Variants in SULT4A1 observed in about 807,000 individuals in gnomAD.
SULT4A1 encodes sulfotransferase 4A1.
A neutral mutation model predicts 35.2 loss-of-function variants in SULT4A1; 11 were observed. That is an observed-to-expected ratio of 0.31 (90% CI 0.20 to 0.52). The LOEUF (loss-of-function observed/expected upper bound fraction) is 0.52. SULT4A1 is among the 20% of genes least tolerant of loss of function. The pLI, the probability that SULT4A1 is intolerant of heterozygous loss-of-function variation, is 0.97. For missense variants in SULT4A1, 271 were observed against 383.7 expected, an observed-to-expected ratio of 0.71 and a Z score of 2.45; for synonymous variants, 152 against 151.8, an observed-to-expected ratio of 1.00 and a Z score of -0.01.
At position 43,838,928 on chromosome 22, in the gene SULT4A1, C is replaced by T. The variant is rs1452945073; in HGVS notation, c.447G>A (p.Leu149=). Residue 149 remains leucine, a synonymous_variant, in exon 4 of 7, where the codon CTG becomes CTA. Transcript: ENST00000330884. ...AGGTGCCTCGGTAGCTCATGGTCCGCAGAGAGCGGTGGAACTGATAATAAG... is the reference window on the plus strand; with the variant it reads ...AGGTGCCTCGGTAGCTCATGGTCCGTAGAGAGCGGTGGAACTGATAATAAG... ...VVSYYQFHRS[L]RTMSYRGTFQ... The T allele has an allele frequency of 6.2e-7, 1 of 1,614,190 alleles. No homozygotes were observed. Among genetic ancestry groups the T allele is most frequent in the Admixed American group, 1.7e-5 (1 of 60,028 alleles).
intron 5 of SULT4A1, among the ~76,000 whole-genome samples, chr22:43,829,764 A>G (rs62226117): frequency 0.1 from 14,832 of 145,724 alleles, 785 homozygotes; most frequent in Admixed American, 0.12. Flanking sequence ...GCCATTCCCC[A>G]GCCCCCCACC....
chr22:43,852,600 C>CAAAAGG (rs1434117563), intron 1 of SULT4A1, among the ~76,000 whole-genome samples: 2 of 152,188 alleles, frequency 1.3e-5, no homozygotes, highest in South Asian at 2.1e-4. Flanking sequence ...TCCCCACCTC[C>CAAAAGG]AAAAGGAAAA....
intron 1 of SULT4A1, among the ~76,000 whole-genome samples, chr22:43,843,628 AG>A (rs1188302737): frequency 6.6e-6 from 1 of 152,220 alleles, no homozygotes; most frequent in Non-Finnish European, 1.5e-5. Context: ...GTTCCATAAA[AG>A]GCCCAAGAGG....
At chr22:43,834,416 C>A (rs1284192606) in intron 4 of SULT4A1, among the ~76,000 whole-genome samples, 2 of 67,596 alleles carry the variant, frequency 3.0e-5, no homozygotes, top group Non-Finnish European at 5.8e-5. Context: ...CTTCCCGCAG[C>A]CACACCGCGG....
At chr22:43,845,550 CT>C (rs56319413) in intron 1 of SULT4A1, among the ~76,000 whole-genome samples, 14,848 of 152,202 alleles carry the variant, frequency 0.098, 786 homozygotes, top group Admixed American at 0.11. Context: ...GACCCTCCCC[CT>C]GTGACACTGC....
intron 1 of SULT4A1, among the ~76,000 whole-genome samples, chr22:43,842,561 CAT>C (rs2063442129): frequency 6.6e-6 from 1 of 152,180 alleles, no homozygotes; most frequent in African/African-American, 2.4e-5. Flanking sequence ...GAACTGCAGA[CAT>C]AGCACGGCCA....
At chr22:43,857,891 A>C (rs549844042) in intron 1 of SULT4A1, among the ~76,000 whole-genome samples, 104 of 151,900 alleles carry the variant, frequency 6.8e-4, no homozygotes, top group Non-Finnish European at 1.2e-3. Flanking sequence ...CTCTACAAAA[A>C]TACAAAAAAT....
chr22:43,849,398 C>T (rs937201856), intron 1 of SULT4A1, among the ~76,000 whole-genome samples: 1 of 152,156 alleles, frequency 6.6e-6, no homozygotes, highest in Non-Finnish European at 1.5e-5. Flanking sequence ...CCCGTTTTCC[C>T]GCTCAGATGT....
At chr22:43,832,727 G>A (rs927108333) in intron 5 of SULT4A1, among the ~76,000 whole-genome samples, 18 of 152,134 alleles carry the variant, frequency 1.2e-4, no homozygotes, top group Admixed American at 6.5e-4. Context: ...AGGGGACCTC[G>A]TGTGGCTCTG....
At position 43,839,967 on chromosome 22, in the gene SULT4A1, T is replaced by A; in HGVS notation, c.359A>T (p.Asp120Val). The A allele has an allele frequency of 5.6e-6, 9 of 1,608,904 alleles. No individual in the cohort carries two copies. The highest frequency in any genetic ancestry group is 7.6e-6 in the Non-Finnish European group (9 of 1,178,238). Residue 120 changes from aspartate to valine, a missense_variant, in exon 3 of 7, where the codon GAC becomes GTC. This residue lies in a region of SULT4A1 where 164 missense variants were observed against 254.1 expected (regional missense o/e 0.65). Transcript: ENST00000330884. ...SHLPYRFLPS[D>V]LHNGDSKVIY... ...TACCTTGGAGTCTCCATTGTGGAGGTCAGAGGGCAGAAAGCGGTAGGGCAG... is the reference window on the plus strand; with the variant it reads ...TACCTTGGAGTCTCCATTGTGGAGGACAGAGGGCAGAAAGCGGTAGGGCAG...
At chr22:43,857,417 A>T (rs925562246) in intron 1 of SULT4A1, among the ~76,000 whole-genome samples, 2 of 151,956 alleles carry the variant, frequency 1.3e-5, no homozygotes, top group African/African-American at 4.8e-5. Flanking sequence ...GGAAGAAAAC[A>T]GAAAACAGAA....
chr22:43,855,930 G>A (rs1015851957), intron 1 of SULT4A1, among the ~76,000 whole-genome samples: 1 of 152,206 alleles, frequency 6.6e-6, no homozygotes, highest in Non-Finnish European at 1.5e-5. Context: ...AGAGAAGCCA[G>A]CCCATGCAGG....
chr22:43,849,791 C>T (rs1007913232), intron 1 of SULT4A1, among the ~76,000 whole-genome samples: 2 of 152,210 alleles, frequency 1.3e-5, no homozygotes, highest in Non-Finnish European at 2.9e-5. Flanking sequence ...GACCCTTAAC[C>T]CTCGCTGGCA....
At chr22:43,860,000 A>G (rs949009629) in intron 1 of SULT4A1, among the ~76,000 whole-genome samples, 8 of 152,230 alleles carry the variant, frequency 5.3e-5, no homozygotes, top group East Asian at 1.9e-4. Context: ...GTGGGAAAAA[A>G]TACCGGACAG....
intron 6 of SULT4A1, chr22:43,827,072 G>A (rs554105998): frequency 1.5e-5 from 15 of 985,476 alleles, no homozygotes; most frequent in Middle Eastern, 5.2e-4. Context: ...AACGGTGACC[G>A]TGAAGATGTC....
intron 1 of SULT4A1, among the ~76,000 whole-genome samples, chr22:43,859,258 T>C (rs1413491000): frequency 6.6e-6 from 1 of 152,180 alleles, no homozygotes; most frequent in Non-Finnish European, 1.5e-5. Flanking sequence ...AATGAATCAA[T>C]CTGGTCAAAT....
intron 2 of SULT4A1, 151 bp downstream of exon 2, chr22:43,841,651 G>T: frequency 7.9e-7 from 1 of 1,263,712 alleles, no homozygotes; most frequent in Non-Finnish European, 1.1e-6. Flanking sequence ...GTCACTGCCA[G>T]CTCAGGCCTG....
At chr22:43,827,758 C>G in intron 6 of SULT4A1, 1 of 411,122 alleles carries the variant, frequency 2.4e-6, no homozygotes, top group Non-Finnish European at 4.6e-6. Flanking sequence ...TGCTTCACCA[C>G]ACACACACAC....
At chr22:43,829,434 G>T (rs543368804) in intron 5 of SULT4A1, among the ~76,000 whole-genome samples, 1 of 152,328 alleles carries the variant, frequency 6.6e-6, no homozygotes, top group South Asian at 2.1e-4. Flanking sequence ...CCAGGGAATT[G>T]GGTTGCAGAC....
Sources: allele counts gnomAD v4.1 joint callset (sites outside exome capture counted in the v4.1 genomes callset), GRCh38; gene constraint gnomAD v4.1.1; regional missense constraint gnomAD v4.1.1; transcripts MANE v1.5; gene names NCBI Gene and HGNC (gene_info 2026-07-23, HGNC 2026-07-21).